Variants in FGF14 observed in about 807,000 individuals in gnomAD.
The protein encoded by FGF14 is fibroblast growth factor 14, also known as fibroblast growth factor homologous factor 4.
FGF14 carries 5 observed loss-of-function variants against 25.5 expected under a neutral mutation model. The ratio of observed to expected loss-of-function variants is 0.20; its 90% CI spans 0.10 to 0.41. FGF14 has a LOEUF of 0.41. FGF14 is among the 10% of genes least tolerant of loss of function. The pLI is 1.00. For missense variants in FGF14, 222 were observed against 320.1 expected (o/e 0.69, Z 2.34); for synonymous variants, 138 against 118.3 (o/e 1.17, Z -1.08).
chr13:102,021,727 T>A (rs900729032), intron 1 of FGF14, among the ~76,000 whole-genome samples: 3 of 152,098 alleles, frequency 2.0e-5, no homozygotes, highest in Non-Finnish European at 4.4e-5. Flanking sequence ...AGATAATTTA[T>A]ACTCACTGCC....
intron 1 of FGF14, among the ~76,000 whole-genome samples, chr13:102,398,703 A>G (rs963981687): frequency 6.6e-6 from 1 of 152,016 alleles, no homozygotes; most frequent in Non-Finnish European, 1.5e-5. Context: ...TTTGGGATCA[A>G]AAACCTGCAA....
intron 1 of FGF14, among the ~76,000 whole-genome samples, chr13:102,043,552 A>T (rs2041842346): frequency 6.6e-6 from 1 of 152,210 alleles, no homozygotes; most frequent in African/African-American, 2.4e-5. Context: ...AAATTGGGGT[A>T]TAACTCTAAA....
chr13:101,866,038 G>A (rs2044684695), intron 3 of FGF14, among the ~76,000 whole-genome samples: 1 of 151,700 alleles, frequency 6.6e-6, no homozygotes, highest in Admixed American at 6.6e-5. Context: ...CGTTTGTCAT[G>A]GCTTTTAAAA....
At chr13:101,836,698 T>G (rs2042942968) in intron 3 of FGF14, among the ~76,000 whole-genome samples, 1 of 152,104 alleles carries the variant, frequency 6.6e-6, no homozygotes, top group Non-Finnish European at 1.5e-5. Context: ...TCCAAGTGTA[T>G]GACAGTATCA....
At chr13:101,728,152 C>T (rs1040973638) in intron 3 of FGF14, among the ~76,000 whole-genome samples, 4 of 152,126 alleles carry the variant, frequency 2.6e-5, no homozygotes, top group African/African-American at 9.7e-5. Flanking sequence ...ATGCAGGAGA[C>T]AATTTATTCA....
rs549749154 is a variant in FGF14 at position 102,006,768 on chromosome 13, C to G, written c.209-131472G>C. ...TTTTTTTTTTTTTGAGACGGAGTCT[C>G]GCTCTGTCGCCCAGGTCGGACTGCG... On this transcript the variant is annotated intron_variant, in intron 1 of 4. Transcript: ENST00000376131. Among the ~76,000 whole-genome samples, 417 of 105,834 alleles carry G rather than the reference C, an allele frequency of 3.9e-3. 2 individuals carry two copies. Among genetic ancestry groups the G allele is most frequent in the Non-Finnish European group, 6.0e-3 (353 of 59,298 alleles). 69.4% of individuals were successfully genotyped at this position (105,834 alleles called of 152,430 possible).
rs183442017 is a variant in FGF14 at position 101,767,808 on chromosome 13, G to A, written c.409-40998C>T. ...GCTCTCTAAAATAAGCAACTACACA[G>A]AAGGAAAAAAATGGTCATTTGACCA... On this transcript the variant is annotated intron_variant, in intron 3 of 4. Coordinates refer to ENST00000376143, the MANE Select transcript of FGF14 (RefSeq NM_004115.4). Among the ~76,000 whole-genome samples the A allele has an allele frequency of 1.3e-3, 200 of 151,982 alleles. 1 individual carries two copies. The highest frequency in any genetic ancestry group is 4.7e-3 in the African/African-American group (196 of 41,496).
intron 3 of FGF14, among the ~76,000 whole-genome samples, chr13:101,823,147 G>A (rs1023807997): frequency 1.1e-4 from 17 of 152,008 alleles, no homozygotes; most frequent in Admixed American, 5.9e-4. Flanking sequence ...TGGCTATTAT[G>A]AGTAAAGCTG....
intron 1 of FGF14, among the ~76,000 whole-genome samples, chr13:102,280,688 G>A (rs2053784473): frequency 6.6e-6 from 1 of 152,180 alleles, no homozygotes; most frequent in African/African-American, 2.4e-5. Flanking sequence ...TTGAATGGTG[G>A]TTTTTGTTTT....
At chr13:101,811,173 G>A (rs908492266) in intron 3 of FGF14, among the ~76,000 whole-genome samples, 1 of 151,980 alleles carries the variant, frequency 6.6e-6, no homozygotes, top group Non-Finnish European at 1.5e-5. Flanking sequence ...CACATTCCAT[G>A]GGTTTGGGAA....
chr13:102,129,107 G>T (rs969775820), intron 1 of FGF14, among the ~76,000 whole-genome samples: 1 of 151,800 alleles, frequency 6.6e-6, no homozygotes, highest in East Asian at 1.9e-4. Flanking sequence ...AAACTTAGCC[G>T]GGTGTAGTGG....
chr13:101,940,258 G>C (rs1346144868), intron 1 of FGF14, among the ~76,000 whole-genome samples: 1 of 152,166 alleles, frequency 6.6e-6, no homozygotes, highest in Admixed American at 6.5e-5. Flanking sequence ...TGTTTTAAAA[G>C]GGTGATCGGG....
intron 1 of FGF14, among the ~76,000 whole-genome samples, chr13:102,059,437 A>G (rs1276377145): frequency 6.6e-6 from 1 of 152,244 alleles, no homozygotes; most frequent in African/African-American, 2.4e-5. Flanking sequence ...CTCAATAGCC[A>G]GCTTGGAGTA....
intron 1 of FGF14, among the ~76,000 whole-genome samples, chr13:102,085,711 A>G (rs2140219421): frequency 6.6e-6 from 1 of 152,338 alleles, no homozygotes; most frequent in African/African-American, 2.4e-5. Flanking sequence ...TGGCAGAAAA[A>G]GCTCATATAT....
At chr13:102,312,216 C>T (rs895106208) in intron 1 of FGF14, among the ~76,000 whole-genome samples, 6 of 132,132 alleles carry the variant, frequency 4.5e-5, no homozygotes, top group African/African-American at 1.5e-4. Context: ...AGTACAAGAC[C>T]TAAACCAAAA....
chr13:102,391,348 C>T (rs1394769182), intron 1 of FGF14, among the ~76,000 whole-genome samples: 1 of 152,152 alleles, frequency 6.6e-6, no homozygotes, highest in Non-Finnish European at 1.5e-5. Context: ...GCATTCATGT[C>T]ACAGTTAGTA....
intron 1 of FGF14, among the ~76,000 whole-genome samples, chr13:102,283,989 C>T (rs1310713755): frequency 6.6e-6 from 1 of 152,082 alleles, no homozygotes; most frequent in Non-Finnish European, 1.5e-5. Context: ...CTTACTTTTG[C>T]AGGCAAAAAG....
At chr13:101,728,942 AC>A (rs1411125819) in intron 3 of FGF14, among the ~76,000 whole-genome samples, 1 of 152,036 alleles carries the variant, frequency 6.6e-6, no homozygotes, top group Non-Finnish European at 1.5e-5. Context: ...ACCATCAGCA[AC>A]TTAGGGATGT....
intron 1 of FGF14, among the ~76,000 whole-genome samples, chr13:102,136,940 C>A (rs1402246126): frequency 6.6e-6 from 1 of 152,238 alleles, no homozygotes; most frequent in East Asian, 1.9e-4. Flanking sequence ...GGGGAGAAAA[C>A]CTGGGACATT....
Sources: gnomAD v4.1 joint callset for allele counts (sites outside exome capture counted in the v4.1 genomes callset) on GRCh38, gnomAD v4.1.1 for gene constraint, MANE v1.5 for transcripts, NCBI Gene and HGNC (gene_info 2026-07-23, HGNC 2026-07-21) for gene names.